Variants in DRAM1 observed in about 807,000 individuals in gnomAD.
DRAM1 encodes DNA damage-regulated autophagy modulator protein 1.
Under a neutral mutation model 28.5 loss-of-function variants are expected in DRAM1, and 25 were observed. The ratio of observed to expected loss-of-function variants is 0.88; its 90% CI spans 0.64 to 1.23. The LOEUF is 1.23. Among genes scored for constraint, DRAM1 ranks in the 50% most tolerant of loss-of-function variants. DRAM1 has a pLI of 0.00. For synonymous variants in DRAM1, 113 were observed against 114.2 expected (o/e 0.99, Z 0.07); for missense variants, 249 against 299.2 (o/e 0.83, Z 1.24).
At chr12:101,914,078 A>G in intron 4 of DRAM1, 96 bp from the exon 5 acceptor site, 1 of 664,570 alleles carries the variant, frequency 1.5e-6, no homozygotes, top group South Asian at 4.0e-5. Flanking sequence ...ACATTTTAAC[A>G]CCTTATAATG....
intron 1 of DRAM1, among the ~76,000 whole-genome samples, chr12:101,896,320 G>A (rs1873372848): frequency 6.6e-6 from 1 of 152,214 alleles, no homozygotes; most frequent in Non-Finnish European, 1.5e-5. Flanking sequence ...AACGTGATCG[G>A]TTTTTTAATA....
rs375744199 is a variant in DRAM1 at position 101,914,190 on chromosome 12, A to G, written c.537A>G (p.Ser179=). Residue 179 remains serine, a synonymous_variant, in exon 5 of 7, where the codon TCA becomes TCG. Transcript: ENST00000258534. ...TTCTTTCAGTGATTGTCTGTGCTTC[A>G]CTAATTTCCATAACCAAGCTGGAGT... ...AAVIPMIVCA[S]LISITKLEWN... is the part of the protein sequence containing the mutation. 6.2e-7 allele frequency: 1 copy of G among 1,609,076 alleles called. No homozygotes were observed. The highest frequency in any genetic ancestry group is 1.3e-5 in the African/African-American group (1 of 74,732).
At position 101,910,629 on chromosome 12, in the gene DRAM1, C is replaced by G. The variant is rs550607199; in HGVS notation, c.520+2266C>G. On this transcript the variant is annotated intron_variant, in intron 4 of 6. Transcript: ENST00000258534. ...AGTAGCTGGTATTACAGGTGCCCAC[C>G]ACCACGCCCGGCTACTTTTCATATT... is the stretch of plus-strand genomic sequence containing the variant. Among the ~76,000 whole-genome samples the G allele has an allele frequency of 2.6e-4, 39 of 152,120 alleles. No homozygotes were observed. The South Asian group carries it at 6.6e-3, about 26-fold the overall frequency.
intron 1 of DRAM1, among the ~76,000 whole-genome samples, chr12:101,889,611 A>G (rs112743266): frequency 0.085 from 12,987 of 152,256 alleles, 679 homozygotes; most frequent in Middle Eastern, 0.18. Context: ...TCTGTGATCA[A>G]GTTAGTTTTC....
rs4764838 is a variant in DRAM1 at position 101,899,961 on chromosome 12, A to T, written c.200-1330A>T. Among the ~76,000 whole-genome samples, 39 of 152,282 alleles carry T rather than the reference A, an allele frequency of 2.6e-4. No homozygotes were observed. In the East Asian group the frequency reaches 6.9e-3, roughly 27 times the overall value. On this transcript the variant is annotated intron_variant, in intron 2 of 6. Coordinates refer to ENST00000258534, the MANE Select transcript of DRAM1 (RefSeq NM_018370.3). ...GCATATTTGTGTGAGTTTTTCTATAAGATAAATTTGCTGAGTTAAAGGGAA... is the reference window on the plus strand; with the variant it reads ...GCATATTTGTGTGAGTTTTTCTATATGATAAATTTGCTGAGTTAAAGGGAA...
intron 3 of DRAM1, among the ~76,000 whole-genome samples, chr12:101,904,629 G>C (rs1323991648): frequency 6.6e-6 from 1 of 151,496 alleles, no homozygotes; most frequent in Non-Finnish European, 1.5e-5. Flanking sequence ...TTTTAGTAGA[G>C]ATGGGGTTTC....
chr12:101,880,357 G>A (rs1359185870), intron 1 of DRAM1, among the ~76,000 whole-genome samples: 1 of 140,088 alleles, frequency 7.1e-6, no homozygotes. Flanking sequence ...GTGCAATCTC[G>A]GCTCAGTGCA....
intron 1 of DRAM1, among the ~76,000 whole-genome samples, chr12:101,897,006 C>T (rs530305750): frequency 1.4e-4 from 21 of 151,784 alleles, no homozygotes; most frequent in Non-Finnish European, 2.4e-4. Flanking sequence ...AGGCTGGTCT[C>T]GAACTTCTGA....
At chr12:101,892,025 C>T (rs554630833) in intron 1 of DRAM1, among the ~76,000 whole-genome samples, 1 of 152,304 alleles carries the variant, frequency 6.6e-6, no homozygotes, top group Non-Finnish European at 1.5e-5. Context: ...AGGTTACCCA[C>T]AGGGTCTCTT....
At chr12:101,920,293 C>CTT in intron 6 of DRAM1, 92 bp downstream of exon 6, 10 of 262,106 alleles carry the variant, frequency 3.8e-5, no homozygotes, top group Admixed American at 1.9e-4. Context: ...AAAAAGAGCA[C>CTT]TTTCTTTTTT....
At chr12:101,896,356 T>A (rs1873374281) in intron 1 of DRAM1, among the ~76,000 whole-genome samples, 1 of 152,242 alleles carries the variant, frequency 6.6e-6, no homozygotes, top group African/African-American at 2.4e-5. Flanking sequence ...TGTTTACAAA[T>A]GTAGAAACAC....
rs200415341 is a variant in DRAM1, at chr12:101,921,580, TG to T, written c.*321del. The T allele has an allele frequency of 0.095, 19,702 of 206,392 alleles. 1,465 individuals carry two copies. The highest frequency in any genetic ancestry group is 0.22 in the African/African-American group (9,387 of 42,994). The allele number at this position is 206,392 out of a possible 1,614,324, so 12.8% of individuals were successfully genotyped here. A position where few individuals can be genotyped will look rare whatever the true frequency, so the allele number is the denominator to read the frequency against. ...ATTTTTGTACAGATTCTGTCGTTTT[TG>T]TTTTATTTGTGTGAGATTTATGGAA... On this transcript the variant is annotated 3_prime_UTR_variant, in exon 7 of 7. Coordinates refer to ENST00000258534, the MANE Select transcript of DRAM1 (RefSeq NM_018370.3).
intron 1 of DRAM1, among the ~76,000 whole-genome samples, chr12:101,883,668 T>C (rs558986428): frequency 6.8e-6 from 1 of 147,848 alleles, no homozygotes; most frequent in East Asian, 2.2e-4. Context: ...GCGCAGTGGC[T>C]CACTCACGCC....
chr12:101,877,845 C>A lies in DRAM1; in HGVS notation c.56C>A (p.Ser19Ter). The change falls in exon 1 of 7, where the codon TCG (serine) becomes TAG (stop). Residue 19 changes from serine to a stop codon, truncating the protein, a stop_gained. Transcript: ENST00000258534. LOFTEE classifies it high-confidence loss of function. The surrounding 1 kb of genome is among the most constrained non-coding windows in gnomAD (Gnocchi z 4.1). Reference protein sequence around the residue: ...AFVPFLLVTWSSAAFIISYVV... With the variant: ...AFVPFLLVTW Reference sequence around the variant, plus strand: ...GTCCCCTTCCTCTTGGTGACCTGGTCGTCAGCCGCCTTCATTATCTCCTAC... The same window carrying A: ...GTCCCCTTCCTCTTGGTGACCTGGTAGTCAGCCGCCTTCATTATCTCCTAC... 1 of 1,547,474 alleles carries A rather than the reference C, an allele frequency of 6.5e-7. No homozygotes were observed. Among genetic ancestry groups the A allele is most frequent in the Non-Finnish European group, 8.7e-7 (1 of 1,144,852 alleles).
chr12:101,883,321 T>G lies in DRAM1; in HGVS notation c.131+5401T>G, dbSNP rs574890516. 1.7e-3 allele frequency among the ~76,000 whole-genome samples: 252 copies of G among 149,646 alleles called. 5 individuals carry two copies. Among genetic ancestry groups the G allele is most frequent in the African/African-American group, 6.0e-3 (248 of 41,192 alleles). ...TATTTTTTACCCAAATAGGTTTTTT[T>G]TTTTTTTTTTGAGATGGAGTTTCAC... is the stretch of plus-strand genomic sequence containing the variant. On this transcript the variant is annotated intron_variant, in intron 1 of 6. Transcript: ENST00000258534.
intron 1 of DRAM1, among the ~76,000 whole-genome samples, chr12:101,879,088 G>A (rs1872599752): frequency 6.6e-6 from 1 of 152,002 alleles, no homozygotes; most frequent in Non-Finnish European, 1.5e-5. Context: ...TCTGCCTCCC[G>A]GGTTCAAGCG....
chr12:101,916,075 G>A (rs1874233679), intron 5 of DRAM1, among the ~76,000 whole-genome samples: 1 of 152,198 alleles, frequency 6.6e-6, no homozygotes, highest in South Asian at 2.1e-4. Flanking sequence ...TGACTTCTAA[G>A]TTTTTATCTT....
chr12:101,908,440 C>T, intron 4 of DRAM1, 77 bp downstream of exon 4: 1 of 1,432,274 alleles, frequency 7.0e-7, no homozygotes, highest in Non-Finnish European at 9.5e-7. Flanking sequence ...GTAATGAAGA[C>T]TTTATAGGGA....
At position 101,909,819 on chromosome 12, in the gene DRAM1, A is replaced by G. The variant is rs376852623; in HGVS notation, c.520+1456A>G. On this transcript the variant is annotated intron_variant, in intron 4 of 6. Coordinates refer to ENST00000258534, the MANE Select transcript of DRAM1 (RefSeq NM_018370.3). ...AATGAAGTATTTAACAAAGAAAAAA[A>G]GCCGTGGTCTTAAAGAGTTGCAGAG... Among the ~76,000 whole-genome samples, 205 of 152,348 alleles carry G rather than the reference A, an allele frequency of 1.3e-3. 1 individual carries two copies. Among genetic ancestry groups the G allele is most frequent in the African/African-American group, 4.8e-3 (198 of 41,580 alleles).
Sources: allele counts gnomAD v4.1 joint callset (sites outside exome capture counted in the v4.1 genomes callset), GRCh38; gene constraint gnomAD v4.1.1; non-coding constraint Gnocchi (gnomAD v3.1); transcripts MANE v1.5; gene names NCBI Gene and HGNC (gene_info 2026-07-23, HGNC 2026-07-21).